The following TYW1B variants were observed in gnomAD, a reference collection of about 807,000 sequenced individuals.
TYW1B encodes S-adenosyl-L-methionine-dependent tRNA 4-demethylwyosine synthase TYW1B.
Under a neutral mutation model 86.9 loss-of-function variants are expected in TYW1B, and 73 were observed. That is an observed-to-expected ratio of 0.84 (90% confidence interval 0.70 to 1.02). The LOEUF is 1.02. Ranked by LOEUF, TYW1B falls within the 50% of genes least tolerant of loss-of-function variation. The pLI is 0.00. For synonymous variants in TYW1B, 248 were observed against 292.8 expected, an observed-to-expected ratio of 0.85 and a Z score of 1.56; for missense variants, 637 against 827.4, an observed-to-expected ratio of 0.77 and a Z score of 2.82.
Position 72,774,539 on chromosome 7 carries a change from G to A in TYW1B, c.964+2877C>T, listed in dbSNP as rs12667014. Among the ~76,000 whole-genome samples, 7 of 151,856 alleles carry A rather than the reference G, an allele frequency of 4.6e-5. No individual in the cohort carries two copies. The East Asian group carries it at 7.7e-4, about 17-fold the overall frequency. ...AGATAGAGACCATCCTGGCTAACAC[G>A]GTAAAACCCCGTCTCTACTAAAAAT... On this transcript the variant is annotated intron_variant, in intron 7 of 13. Transcript: ENST00000620995.
intron 11 of TYW1B, among the ~76,000 whole-genome samples, chr7:72,644,285 C>G (rs1812872920): frequency 6.6e-6 from 1 of 152,176 alleles, no homozygotes; most frequent in South Asian, 2.1e-4. Context: ...GGCTGGGGCT[C>G]ACACCTATAA....
chr7:72,592,898 C>T (rs1401390775), intron 13 of TYW1B, among the ~76,000 whole-genome samples: 1 of 152,162 alleles, frequency 6.6e-6, no homozygotes, highest in African/African-American at 2.4e-5. Flanking sequence ...ATATACAAAG[C>T]AGATACTGAT....
intron 7 of TYW1B, among the ~76,000 whole-genome samples, chr7:72,774,753 A>G (rs1787926293): frequency 6.6e-6 from 1 of 152,096 alleles, no homozygotes. Context: ...TAAATAATAA[A>G]AATAAAAATA....
Position 72,808,384 on chromosome 7 carries a change from G to C in TYW1B, c.433-1028C>G, listed in dbSNP as rs551099058. On this transcript the variant is annotated intron_variant, in intron 4 of 13. Transcript: ENST00000620995. ...AGGATCACCTGAGCCCAGGGAGGTC[G>C]AGGCTGCAGCAAGCCACTGAACTCC... Among the ~76,000 whole-genome samples, 217 of 152,166 alleles carry C rather than the reference G, an allele frequency of 1.4e-3. 2 individuals carry two copies. The highest frequency in any genetic ancestry group is 3.4e-3 in the Middle Eastern group (1 of 294).
At chr7:72,640,692 A>G (rs559825039) in intron 11 of TYW1B, among the ~76,000 whole-genome samples, 4 of 152,294 alleles carry the variant, frequency 2.6e-5, no homozygotes, top group South Asian at 2.1e-4. Context: ...AACAATTGAC[A>G]TAACTAAAAT....
At chr7:72,804,452 G>C (rs1788459767) in intron 5 of TYW1B, among the ~76,000 whole-genome samples, 1 of 152,144 alleles carries the variant, frequency 6.6e-6, no homozygotes, top group South Asian at 2.1e-4. Context: ...GGTCATGCCT[G>C]TCCTGCGCCA....
rs529664989 is a variant in TYW1B, at chr7:72,779,672, GT to G, written c.847-2140del. On this transcript the variant is annotated intron_variant, in intron 6 of 13. Transcript: ENST00000620995. ...GCGGAGGTTACGGTGAGCCAAGACT[GT>G]GCCACTGCACTCCAGCCTGGGCGAC... Among the ~76,000 whole-genome samples the G allele has an allele frequency of 6.9e-3, 917 of 132,054 alleles. 5 individuals carry two copies. The highest frequency in any genetic ancestry group is 0.01 in the Admixed American group (110 of 10,740). 86.6% of individuals were successfully genotyped at this position (132,054 alleles called of 152,430 possible).
chr7:72,640,023 T>C lies in TYW1B; in HGVS notation c.1507-11026A>G, dbSNP rs567868465. On this transcript the variant is annotated intron_variant, in intron 11 of 13. Transcript: ENST00000620995. Reference sequence around the variant, plus strand: ...AAAATGATATAAACGTTAATTTACATTGACTTTAATAAGTCAAGCATGCCT... The same window carrying C: ...AAAATGATATAAACGTTAATTTACACTGACTTTAATAAGTCAAGCATGCCT... Among the ~76,000 whole-genome samples the C allele has an allele frequency of 8.3e-4, 127 of 152,224 alleles. 2 individuals are homozygous for C. The highest frequency in any genetic ancestry group is 3.0e-3 in the African/African-American group (125 of 41,550).
At chr7:72,802,561 G>A in intron 5 of TYW1B, 39 bp from the exon 6 acceptor site, 2 of 1,606,970 alleles carry the variant, frequency 1.2e-6, no homozygotes, top group Non-Finnish European at 8.5e-7. Flanking sequence ...TGTTCAAAGG[G>A]GCAAAGGCAA....
intron 5 of TYW1B, among the ~76,000 whole-genome samples, chr7:72,805,613 CAAA>C (rs71517372): frequency 1.6e-5 from 2 of 125,984 alleles, no homozygotes; most frequent in Admixed American, 7.9e-5. Context: ...GACCCTTTCT[CAAA>C]AAAAAAAAAA....
chr7:72,632,438 G>A (rs71535700), intron 11 of TYW1B, among the ~76,000 whole-genome samples: 17,622 of 77,126 alleles, frequency 0.23, 2,114 homozygotes, highest in East Asian at 0.52. Flanking sequence ...ATATATATAC[G>A]TATATATATA....
intron 8 of TYW1B, among the ~76,000 whole-genome samples, chr7:72,739,998 A>C (rs1268641603): frequency 6.7e-6 from 1 of 148,766 alleles, no homozygotes; most frequent in African/African-American, 2.5e-5. Flanking sequence ...TTGGAAGGCC[A>C]AGGCGGGTGG....
chr7:72,687,662 C>T (rs2129570102), intron 11 of TYW1B, among the ~76,000 whole-genome samples: 1 of 152,084 alleles, frequency 6.6e-6, no homozygotes, highest in East Asian at 1.9e-4. Context: ...AGTTCAAAAA[C>T]AAGCAAAACA....
chr7:72,727,802 G>A (rs1222026319), intron 9 of TYW1B, among the ~76,000 whole-genome samples: 6 of 104,224 alleles, frequency 5.8e-5, no homozygotes, highest in Middle Eastern at 7.5e-3. Context: ...GACAGAGTGA[G>A]ATCCGGTCCA....
At chr7:72,726,854 G>A (rs572211106) in intron 9 of TYW1B, among the ~76,000 whole-genome samples, 14 of 152,222 alleles carry the variant, frequency 9.2e-5, no homozygotes, top group Admixed American at 3.9e-4. Flanking sequence ...TGGCTGGGGA[G>A]GCCACAGGAA....
intron 11 of TYW1B, among the ~76,000 whole-genome samples, chr7:72,675,606 CAT>C (rs1554447283): frequency 2.7e-5 from 4 of 150,790 alleles, no homozygotes; most frequent in African/African-American, 4.9e-5. Flanking sequence ...CACACACACA[CAT>C]GCACTGTATA....
chr7:72,673,951 T>C (rs1813673926), intron 11 of TYW1B, among the ~76,000 whole-genome samples: 1 of 152,164 alleles, frequency 6.6e-6, no homozygotes, highest in African/African-American at 2.4e-5. Context: ...CATAGAGTTA[T>C]TATTTTTTTA....
chr7:72,621,155 T>C (rs1812204221), intron 12 of TYW1B, among the ~76,000 whole-genome samples: 1 of 152,194 alleles, frequency 6.6e-6, no homozygotes, highest in Admixed American at 6.6e-5. Context: ...TCTGTCTCTC[T>C]GTCCGTCTGT....
chr7:72,778,537 C>A (rs1787996589), intron 6 of TYW1B, among the ~76,000 whole-genome samples: 1 of 152,148 alleles, frequency 6.6e-6, no homozygotes, highest in Non-Finnish European at 1.5e-5. Flanking sequence ...GCAAACACCA[C>A]CTCCCAGGTT....
Sources: gnomAD v4.1 joint callset for allele counts (sites outside exome capture counted in the v4.1 genomes callset) on GRCh38, gnomAD v4.1.1 for gene constraint, MANE v1.5 for transcripts, NCBI Gene and HGNC (gene_info 2026-07-23, HGNC 2026-07-21) for gene names.